MAP4K1: variants seen among roughly 807,000 people sequenced by gnomAD.
MAP4K1 encodes mitogen-activated protein kinase kinase kinase kinase 1.
A neutral mutation model predicts 122.8 loss-of-function variants in MAP4K1; 35 were observed. That is an observed-to-expected ratio of 0.29 (90% CI 0.22 to 0.38). The LOEUF (loss-of-function observed/expected upper bound fraction) is 0.38. Ranked by LOEUF, MAP4K1 falls within the 10% of genes least tolerant of loss-of-function variation. The probability of loss-of-function intolerance (pLI) is 1.00; values close to 1 mark genes in which losing one functional copy is unlikely to be tolerated. For synonymous variants in MAP4K1, 412 were observed against 421.3 expected (o/e 0.98, Z 0.27); for missense variants, 791 against 1,072.6 (o/e 0.74, Z 3.67).
In MAP4K1 at chr19:38,608,174, G is replaced by T; in HGVS notation, c.1007-4C>A. The stretch of plus-strand genomic sequence containing the variant: ...TTCCTGAACTCCATGTGCCGCCCTA[G>T]GGTGGGTGGGGGAAGATAACCTGCT... On this transcript the variant is annotated splice_polypyrimidine_tract_variant and splice_region_variant and intron_variant, in intron 13 of 30. Transcript: ENST00000396857. 2 of 1,508,244 alleles carry T rather than the reference G, an allele frequency of 1.3e-6. No individual in the cohort carries two copies. The highest frequency in any genetic ancestry group is 2.7e-5 in the South Asian group (2 of 74,158). The allele number at this position is 1,508,244 out of a possible 1,614,324, so 93.4% of individuals were successfully genotyped here.
intron 19 of MAP4K1, among the ~76,000 whole-genome samples, chr19:38,604,431 C>T (rs561275311): frequency 6.6e-6 from 1 of 152,194 alleles, no homozygotes; most frequent in South Asian, 2.1e-4. Flanking sequence ...CTCAAGCAAT[C>T]CTCCCACCTC....
At chr19:38,605,774 C>T in intron 17 of MAP4K1, 44 bp from the exon 18 acceptor site, 1 of 1,570,502 alleles carries the variant, frequency 6.4e-7, no homozygotes, top group Non-Finnish European at 8.6e-7. Context: ...ATCAGATGAT[C>T]TCAGAGAGGG....
At position 38,597,411 on chromosome 19, in the gene MAP4K1, G is replaced by A. The variant is rs1428971722; in HGVS notation, c.1779-27C>T. ...TGGAGAATAGGTAGGTGTGAAGGGG[G>A]GTAGGACAGCAGGAGGCAGAGGGGC... On this transcript the variant is annotated intron_variant, in intron 23 of 30. Coordinates refer to ENST00000396857, the MANE Select transcript of MAP4K1 (RefSeq NM_001042600.3). This position sits in a 1 kb window ranked among gnomAD's most constrained non-coding sequence, Gnocchi z 4.6. 2 of 1,613,646 alleles carry A rather than the reference G, an allele frequency of 1.2e-6. No homozygotes were observed. The highest frequency in any genetic ancestry group is 1.3e-5 in the African/African-American group (1 of 74,900).
intron 19 of MAP4K1, among the ~76,000 whole-genome samples, chr19:38,603,643 T>G (rs1248192243): frequency 6.6e-6 from 1 of 152,056 alleles, no homozygotes; most frequent in African/African-American, 2.4e-5. Flanking sequence ...AGGACCAGCT[T>G]GGGCAACATA....
chr19:38,617,622 G>C lies in MAP4K1; in HGVS notation c.103C>G (p.Arg35Gly). 6.2e-7 allele frequency: 1 copy of C among 1,614,008 alleles called. No individual in the cohort carries two copies. Among genetic ancestry groups the C allele is most frequent in the Non-Finnish European group, 8.5e-7 (1 of 1,179,988 alleles). ...GGTYGEVFKA[R>G]DKVSGDLVAL... is the part of the protein sequence containing the mutation. Reference sequence around the variant, plus strand: ...ACCAGGTCCCCTGACACCTTGTCTCGAGCCTTGCAAAGGGGAAGTTGGCAG... The same window carrying C: ...ACCAGGTCCCCTGACACCTTGTCTCCAGCCTTGCAAAGGGGAAGTTGGCAG... Residue 35 changes from arginine to glycine, a missense_variant, in exon 2 of 31, where the codon CGA becomes GGA. Arg to Gly is a moderately radical substitution (Grantham distance 125, BLOSUM62 -2). Transcript: ENST00000396857. This position sits in a 1 kb window ranked among gnomAD's most constrained non-coding sequence, Gnocchi z 4.1.
chr19:38,595,874 G>A, intron 27 of MAP4K1, 65 bp downstream of exon 27: 1 of 1,580,568 alleles, frequency 6.3e-7, no homozygotes, highest in Non-Finnish European at 8.7e-7. Flanking sequence ...CACAAGTTCG[G>A]AGGCAGAGAT....
intron 16 of MAP4K1, among the ~76,000 whole-genome samples, chr19:38,606,770 G>T (rs571131135): frequency 6.6e-6 from 1 of 152,258 alleles, no homozygotes; most frequent in Admixed American, 6.5e-5. Flanking sequence ...TGCTGACAGT[G>T]CACCACGGCT....
chr19:38,588,121 G>C (rs1974583883), intron 30 of MAP4K1, among the ~76,000 whole-genome samples: 1 of 152,174 alleles, frequency 6.6e-6, no homozygotes, highest in African/African-American at 2.4e-5. Flanking sequence ...GGAACTTGGT[G>C]AAAGGGCAAG....
intron 19 of MAP4K1, among the ~76,000 whole-genome samples, chr19:38,602,925 CAT>C (rs1419756114): frequency 3.5e-4 from 52 of 147,112 alleles, no homozygotes; most frequent in Admixed American, 3.1e-3. Flanking sequence ...CACATATACG[CAT>C]ATACATATAT....
chr19:38,590,768 C>A (rs1974704229), intron 30 of MAP4K1, among the ~76,000 whole-genome samples: 2 of 151,950 alleles, frequency 1.3e-5, no homozygotes, highest in East Asian at 1.9e-4. Flanking sequence ...AGCCACCACA[C>A]CTGGCCAACT....
intron 19 of MAP4K1, among the ~76,000 whole-genome samples, chr19:38,602,734 A>C (rs1975129288): frequency 6.7e-6 from 1 of 149,116 alleles, no homozygotes; most frequent in Non-Finnish European, 1.5e-5. Context: ...ATATACATGT[A>C]TACATATATA....
Position 38,602,851 on chromosome 19 carries a change from CAT to C in MAP4K1, c.1447-1328_1447-1327del, listed in dbSNP as rs531246302. Among the ~76,000 whole-genome samples the C allele has an allele frequency of 2.9e-3, 433 of 147,430 alleles. 1 individual carries two copies. The highest frequency in any genetic ancestry group is 9.7e-3 in the African/African-American group (389 of 39,912). On this transcript the variant is annotated intron_variant, in intron 19 of 30. Transcript: ENST00000396857. ...ATATATACGCATATACATATATACA[CAT>C]ATACATATATACACATGTACATATA...
chr19:38,590,976 C>CAA (rs1974710292), intron 30 of MAP4K1, among the ~76,000 whole-genome samples: 1 of 150,362 alleles, frequency 6.7e-6, no homozygotes, highest in Non-Finnish European at 1.5e-5. Flanking sequence ...CACACACACA[C>CAA]ACACACACAC....
intron 30 of MAP4K1, among the ~76,000 whole-genome samples, chr19:38,589,759 G>A (rs965500957): frequency 4.6e-5 from 7 of 152,150 alleles, no homozygotes; most frequent in Non-Finnish European, 1.0e-4. Flanking sequence ...GCTGGGTGCG[G>A]TGACCCCTGC....
intron 4 of MAP4K1, among the ~76,000 whole-genome samples, chr19:38,615,101 C>T (rs1356370580): frequency 5.3e-5 from 8 of 151,768 alleles, no homozygotes; most frequent in Non-Finnish European, 5.9e-5. Flanking sequence ...GTCAGGGCTG[C>T]TCTCTGAAGG....
At chr19:38,603,594 G>A (rs748252672) in intron 19 of MAP4K1, among the ~76,000 whole-genome samples, 1 of 152,086 alleles carries the variant, frequency 6.6e-6, no homozygotes, top group African/African-American at 2.4e-5. Context: ...CACCAGTTTG[G>A]GAGGCCGAGG....
intron 19 of MAP4K1, among the ~76,000 whole-genome samples, chr19:38,602,439 TACAC>T (rs940912659): frequency 4.7e-4 from 69 of 146,536 alleles, no homozygotes; most frequent in African/African-American, 1.5e-3. Flanking sequence ...CACATATATA[TACAC>T]ACACACATAC....
rs1975535192 is a variant in MAP4K1, at chr19:38,612,747, G to A, written c.534-5C>T. ...GCTGCCACTTCCGGAGCCATCCTGGGGGCAGACACGCTCAGAGAGCCAGAG... is the reference window on the plus strand; with the variant it reads ...GCTGCCACTTCCGGAGCCATCCTGGAGGCAGACACGCTCAGAGAGCCAGAG... On this transcript the variant is annotated splice_region_variant and splice_polypyrimidine_tract_variant and intron_variant, in intron 8 of 30. Coordinates refer to ENST00000396857, the MANE Select transcript of MAP4K1 (RefSeq NM_001042600.3). 6.2e-7 allele frequency: 1 copy of A among 1,612,710 alleles called. No homozygotes were observed. Among genetic ancestry groups the A allele is most frequent in the Non-Finnish European group, 8.5e-7 (1 of 1,179,438 alleles).
chr19:38,596,202 C>A, intron 26 of MAP4K1, 110 bp downstream of exon 26: 1 of 1,416,982 alleles, frequency 7.1e-7, no homozygotes, highest in Non-Finnish European at 9.4e-7. Context: ...CTCCGCCCTT[C>A]CAGCCCTTTC....
Sources: gnomAD v4.1 joint callset for allele counts (sites outside exome capture counted in the v4.1 genomes callset) on GRCh38, gnomAD v4.1.1 for gene constraint, Gnocchi (gnomAD v3.1) non-coding constraint, MANE v1.5 for transcripts, NCBI Gene and HGNC (gene_info 2026-07-23, HGNC 2026-07-21) for gene names.